The following KIAA1549 variants were observed in gnomAD, a reference collection of about 807,000 sequenced individuals.
The protein encoded by KIAA1549 is UPF0606 protein KIAA1549.
A neutral mutation model predicts 156.4 loss-of-function variants in KIAA1549; 70 were observed. The observed-to-expected ratio is 0.45, with a 90% confidence interval of 0.37 to 0.55. The LOEUF (loss-of-function observed/expected upper bound fraction) is 0.55. Ranked by LOEUF, KIAA1549 falls within the 20% of genes least tolerant of loss-of-function variation. The probability of loss-of-function intolerance (pLI) is 0.00; values close to 1 mark genes in which losing one functional copy is unlikely to be tolerated. For missense variants in KIAA1549, 2,428 were observed against 2,540.9 expected (o/e 0.96, Z 0.96); for synonymous variants, 1,103 against 1,066.4 (o/e 1.03, Z -0.67).
chr7:138,951,889 G>A (rs1219306199), intron 1 of KIAA1549, among the ~76,000 whole-genome samples: 1 of 152,202 alleles, frequency 6.6e-6, no homozygotes. Flanking sequence ...GAAAGCAACT[G>A]CTTGGTTTTA....
chr7:138,915,602 G>A (rs755153992), intron 2 of KIAA1549, among the ~76,000 whole-genome samples: 8 of 151,626 alleles, frequency 5.3e-5, no homozygotes, highest in Non-Finnish European at 1.0e-4. Flanking sequence ...CAGCAACCCC[G>A]ACCACAGAGA....
intron 5 of KIAA1549, among the ~76,000 whole-genome samples, chr7:138,908,061 G>A (rs1812060243): frequency 6.6e-6 from 1 of 152,124 alleles, no homozygotes; most frequent in Non-Finnish European, 1.5e-5. Flanking sequence ...ACCAGGAGAT[G>A]GAGCTGACGT....
chr7:138,839,605 G>A (rs571587805), intron 19 of KIAA1549, among the ~76,000 whole-genome samples: 2 of 152,132 alleles, frequency 1.3e-5, no homozygotes, highest in African/African-American at 2.4e-5. Flanking sequence ...ACTACTGAAA[G>A]CTTGAACTCT....
chr7:138,976,858 C>T (rs2130580761), intron 1 of KIAA1549, among the ~76,000 whole-genome samples: 1 of 152,320 alleles, frequency 6.6e-6, no homozygotes, highest in African/African-American at 2.4e-5. Flanking sequence ...GCACTGCCAC[C>T]AAAGAGTCTA....
intron 15 of KIAA1549, among the ~76,000 whole-genome samples, chr7:138,863,646 G>A (rs1232144565): frequency 2.0e-5 from 3 of 152,160 alleles, no homozygotes; most frequent in African/African-American, 7.2e-5. Flanking sequence ...AGAGTCTGAA[G>A]CTCTGGCATG....
chr7:138,953,419 C>G (rs1209333782), intron 1 of KIAA1549, among the ~76,000 whole-genome samples: 1 of 151,464 alleles, frequency 6.6e-6, no homozygotes, highest in African/African-American at 2.4e-5. Flanking sequence ...TTTTTAAGCA[C>G]AATAATAATA....
At chr7:138,940,981 C>T (rs1046879601) in intron 1 of KIAA1549, among the ~76,000 whole-genome samples, 9 of 151,872 alleles carry the variant, frequency 5.9e-5, no homozygotes, top group African/African-American at 1.5e-4. Flanking sequence ...TTCACTCTGA[C>T]GGTAGTTTCT....
chr7:138,894,207 C>A, intron 10 of KIAA1549, 135 bp downstream of exon 10: 1 of 803,290 alleles, frequency 1.2e-6, no homozygotes, highest in Non-Finnish European at 2.0e-6. Flanking sequence ...CAAAGTGATA[C>A]CACTATTAAA....
At chr7:138,869,010 C>CG (rs1563055916) in intron 14 of KIAA1549, among the ~76,000 whole-genome samples, 1 of 152,128 alleles carries the variant, frequency 6.6e-6, no homozygotes, top group Non-Finnish European at 1.5e-5. Context: ...TTAAGGAAAA[C>CG]GCATCTATGT....
rs763703586 is a variant in KIAA1549, at chr7:138,837,832, C to A, written c.*74G>T. 1.3e-6 allele frequency: 2 copies of A among 1,520,928 alleles called. No homozygotes were observed. The highest frequency in any genetic ancestry group is 1.4e-5 in the African/African-American group (1 of 73,120). 94.2% of individuals were successfully genotyped at this position (1,520,928 alleles called of 1,614,324 possible). A position where few individuals can be genotyped will look rare whatever the true frequency, so the allele number is the denominator to read the frequency against. Reference sequence around the variant, plus strand: ...AGTTGCTCCTTCCTCTTCCAAACACCCACTCAGTTGATTTCCTTTTGGTCT... The same window carrying A: ...AGTTGCTCCTTCCTCTTCCAAACACACACTCAGTTGATTTCCTTTTGGTCT... On this transcript the variant is annotated 3_prime_UTR_variant, in exon 20 of 20. Transcript: ENST00000422774.
At chr7:138,940,809 T>C (rs1412940908) in intron 1 of KIAA1549, among the ~76,000 whole-genome samples, 1 of 152,262 alleles carries the variant, frequency 6.6e-6, no homozygotes, top group African/African-American at 2.4e-5. Context: ...TGCATAAGTG[T>C]CTTCTTTTGA....
At chr7:138,856,372 C>A (rs1270139080) in intron 16 of KIAA1549, among the ~76,000 whole-genome samples, 2 of 152,112 alleles carry the variant, frequency 1.3e-5, no homozygotes, top group African/African-American at 2.4e-5. Flanking sequence ...TGTGAATTGT[C>A]AGACTCTTCT....
chr7:138,842,642 G>A lies in KIAA1549; in HGVS notation c.5452+1675C>T, dbSNP rs1028587314. ...CAGGAGGCGGAGGTTGCAGTGCGCC[G>A]AGACTGTGCCACTGCACTCCAGCCT... On this transcript the variant is annotated intron_variant, in intron 18 of 19. Transcript: ENST00000422774. 9.3e-5 allele frequency among the ~76,000 whole-genome samples: 14 copies of A among 150,180 alleles called. No homozygotes were observed. In the East Asian group the frequency reaches 2.0e-3, roughly 21 times the overall value.
intron 1 of KIAA1549, among the ~76,000 whole-genome samples, chr7:138,965,375 G>A (rs1813988988): frequency 6.6e-6 from 1 of 152,102 alleles, no homozygotes; most frequent in African/African-American, 2.4e-5. Context: ...ATTTTTTGTA[G>A]AGATGGGGTT....
In KIAA1549 at chr7:138,903,579, G is replaced by A; in HGVS notation, c.3669+9C>T. 6.2e-7 allele frequency: 1 copy of A among 1,612,422 alleles called. No individual in the cohort carries two copies. The highest frequency in any genetic ancestry group is 8.5e-7 in the Non-Finnish European group (1 of 1,179,146). On this transcript the variant is annotated intron_variant, in intron 8 of 19. Coordinates refer to ENST00000422774, the MANE Select transcript of KIAA1549 (RefSeq NM_001164665.2). ...TCTCTCCTTCCCCTCCTCCTTTGAT[G>A]TGGAGTACCTGCACCACACTGTTCC...
intron 12 of KIAA1549, among the ~76,000 whole-genome samples, chr7:138,876,145 G>A (rs566811947): frequency 3.9e-5 from 6 of 152,218 alleles, no homozygotes; most frequent in African/African-American, 7.2e-5. Flanking sequence ...TTTGCTAAAC[G>A]GATGACTCAA....
rs1365557279 is a variant in KIAA1549 at position 138,968,024 on chromosome 7, A to G, written c.187+13059T>C. Among the ~76,000 whole-genome samples the G allele has an allele frequency of 2.0e-5, 3 of 152,202 alleles. No individual in the cohort carries two copies. The East Asian group carries it at 5.8e-4, about 29-fold the overall frequency. On this transcript the variant is annotated intron_variant, in intron 1 of 19. Coordinates refer to ENST00000422774, the MANE Select transcript of KIAA1549 (RefSeq NM_001164665.2). Reference sequence around the variant, plus strand: ...GTCCACTCCTGCTTCCCTACCAGCTAGTTCCCACTCCACTAGGCATGGATG... The same window carrying G: ...GTCCACTCCTGCTTCCCTACCAGCTGGTTCCCACTCCACTAGGCATGGATG...
chr7:138,945,951 G>A (rs1348353300), intron 1 of KIAA1549, among the ~76,000 whole-genome samples: 4 of 152,040 alleles, frequency 2.6e-5, no homozygotes, highest in Non-Finnish European at 5.9e-5. Context: ...CCACAATTGA[G>A]GCCAACAGGA....
At chr7:138,840,333 C>CCATCCTCAGCAGCCA in intron 18 of KIAA1549, 55 bp from the exon 19 acceptor site, 1 of 1,510,986 alleles carries the variant, frequency 6.6e-7, no homozygotes, top group Non-Finnish European at 9.0e-7. Context: ...AGTATGGCTG[C>CCATCCTCAGCAGCCA]TGAGGATGGC....
Sources: allele counts gnomAD v4.1 joint callset (sites outside exome capture counted in the v4.1 genomes callset), GRCh38; gene constraint gnomAD v4.1.1; transcripts MANE v1.5; gene names NCBI Gene and HGNC (gene_info 2026-07-23, HGNC 2026-07-21).